Variants in BAZ2B observed in about 807,000 individuals in gnomAD.
The protein encoded by BAZ2B is bromodomain adjacent to zinc finger domain protein 2B.
A neutral mutation model predicts 246.0 loss-of-function variants in BAZ2B; 91 were observed. The ratio of observed to expected loss-of-function variants is 0.37; its 90% confidence interval spans 0.31 to 0.44. The LOEUF (loss-of-function observed/expected upper bound fraction) is 0.44. BAZ2B is among the 20% of genes least tolerant of loss of function. The pLI, the probability that BAZ2B is intolerant of heterozygous loss-of-function variation, is 1.00. For missense variants in BAZ2B, 2,332 were observed against 2,533.7 expected (o/e 0.92, Z 1.71); for synonymous variants, 855 against 860.0 (o/e 0.99, Z 0.10).
chr2:159,406,394 A>G (rs2065939425), intron 14 of BAZ2B, among the ~76,000 whole-genome samples: 1 of 152,204 alleles, frequency 6.6e-6, no homozygotes. Flanking sequence ...AGCTGATTCC[A>G]TGTGCACAAG....
Position 159,537,001 on chromosome 2 carries a change from C to T in BAZ2B, c.-3+18822G>A, listed in dbSNP as rs183705987. Among the ~76,000 whole-genome samples the T allele has an allele frequency of 2.6e-5, 4 of 152,134 alleles. No individual in the cohort carries two copies. The East Asian group carries it at 7.7e-4, about 29-fold the overall frequency. On this transcript the variant is annotated intron_variant, in intron 2 of 36. Transcript: ENST00000392783. Reference sequence around the variant, plus strand: ...ACGATAGTGAAGAGGCAAAAGCAACCCAAGAGTCCATCCACAGATGAATGA... The same window carrying T: ...ACGATAGTGAAGAGGCAAAAGCAACTCAAGAGTCCATCCACAGATGAATGA...
chr2:159,501,122 TAA>T, intron 2 of BAZ2B, among the ~76,000 whole-genome samples: 1 of 47,506 alleles, frequency 2.1e-5, no homozygotes, highest in South Asian at 6.4e-4. Context: ...AATATATATA[TAA>T]TATATATATA....
At chr2:159,558,814 T>G (rs1239429115) in intron 1 of BAZ2B, among the ~76,000 whole-genome samples, 1 of 152,016 alleles carries the variant, frequency 6.6e-6, no homozygotes. Context: ...TGAAGAAAGA[T>G]TTCCAAAGAG....
chr2:159,375,119 G>T (rs1176218203), intron 25 of BAZ2B, among the ~76,000 whole-genome samples: 2 of 152,208 alleles, frequency 1.3e-5, no homozygotes, highest in East Asian at 1.9e-4. Context: ...GACACAGGAG[G>T]ATTGGTTAAG....
intron 2 of BAZ2B, among the ~76,000 whole-genome samples, chr2:159,532,246 AT>A (rs1345654546): frequency 5.9e-5 from 9 of 152,174 alleles, no homozygotes; most frequent in Non-Finnish European, 4.4e-5. Context: ...AAACCAGAGA[AT>A]TTTTCAATTA....
At chr2:159,364,711 T>C (rs1187044464) in intron 27 of BAZ2B, among the ~76,000 whole-genome samples, 1 of 152,184 alleles carries the variant, frequency 6.6e-6, no homozygotes, top group African/African-American at 2.4e-5. Flanking sequence ...GTAGCTTCTA[T>C]AACTGTTGGC....
At chr2:159,658,439 T>C in the BAZ2B span, among the ~76,000 whole-genome samples, 6 of 152,170 alleles carry the variant, frequency 3.9e-5, no homozygotes, top group African/African-American at 1.4e-4. Flanking sequence ...GTTCAAGAGA[T>C]CCTCTCACCT....
At chr2:159,528,780 T>C (rs1030556464) in intron 2 of BAZ2B, among the ~76,000 whole-genome samples, 1 of 151,912 alleles carries the variant, frequency 6.6e-6, no homozygotes, top group African/African-American at 2.4e-5. Flanking sequence ...GATTGTCTAA[T>C]ACAGCACTTA....
At chr2:159,369,698 C>T (rs929594190) in intron 27 of BAZ2B, among the ~76,000 whole-genome samples, 2 of 152,066 alleles carry the variant, frequency 1.3e-5, no homozygotes, top group Admixed American at 1.3e-4. Flanking sequence ...TCAGATTGAT[C>T]ATTTTCTTAA....
At chr2:159,579,617 CA>C (rs1302368595) in intron 1 of BAZ2B, among the ~76,000 whole-genome samples, 2 of 151,692 alleles carry the variant, frequency 1.3e-5, no homozygotes, top group African/African-American at 4.8e-5. Context: ...AGAGACACAA[CA>C]AAAAAAAGAT....
intron 1 of BAZ2B, among the ~76,000 whole-genome samples, chr2:159,583,243 T>C (rs1043329160): frequency 4.6e-5 from 7 of 151,954 alleles, no homozygotes; most frequent in African/African-American, 7.3e-5. Flanking sequence ...GCCTCCCAAG[T>C]AGCTGGGATT....
At chr2:159,471,060 A>T (rs1257980069) in intron 3 of BAZ2B, among the ~76,000 whole-genome samples, 1 of 152,138 alleles carries the variant, frequency 6.6e-6, no homozygotes, top group Non-Finnish European at 1.5e-5. Context: ...GTATAAAAAA[A>T]TTTAGAGAAA....
At chr2:159,686,589 T>C in the BAZ2B span, among the ~76,000 whole-genome samples, 1 of 149,720 alleles carries the variant, frequency 6.7e-6, no homozygotes, top group Non-Finnish European at 1.5e-5. Context: ...GTAACCTGAA[T>C]TGGATCTTGA....
chr2:159,517,791 G>A (rs2083586077), intron 2 of BAZ2B, among the ~76,000 whole-genome samples: 1 of 152,182 alleles, frequency 6.6e-6, no homozygotes, highest in Non-Finnish European at 1.5e-5. Flanking sequence ...TACGTAATAT[G>A]TCATTTCAAG....
chr2:159,583,046 A>C (rs907828104), intron 1 of BAZ2B, among the ~76,000 whole-genome samples: 1 of 152,170 alleles, frequency 6.6e-6, no homozygotes, highest in Non-Finnish European at 1.5e-5. Context: ...ATAAGTAAAA[A>C]AAATTCCAAT....
intron 8 of BAZ2B, chr2:159,434,772 T>A (rs751427042): frequency 3.3e-5 from 5 of 152,222 alleles, no homozygotes; most frequent in Non-Finnish European, 5.9e-5. Context: ...TTCTGTGGGA[T>A]CTACTTTAGT....
At chr2:159,499,511 T>A (rs1164080058) in intron 2 of BAZ2B, among the ~76,000 whole-genome samples, 1 of 152,224 alleles carries the variant, frequency 6.6e-6, no homozygotes, top group African/African-American at 2.4e-5. Context: ...TATACTAGAA[T>A]GATTTATATT....
intron 2 of BAZ2B, among the ~76,000 whole-genome samples, chr2:159,541,259 CTTATTATTATTA>C (rs56310950): frequency 2.2e-4 from 32 of 148,252 alleles, no homozygotes; most frequent in South Asian, 1.1e-3. Flanking sequence ...AACAAAAGCC[CTTATTATTATTA>C]TTATTATTAT....
At chr2:159,431,840 C>T (rs994270062) in intron 9 of BAZ2B, among the ~76,000 whole-genome samples, 1 of 152,062 alleles carries the variant, frequency 6.6e-6, no homozygotes, top group East Asian at 1.9e-4. Flanking sequence ...AGACTGTTTC[C>T]TCATAGTTCA....
Sources: gnomAD v4.1 joint callset for allele counts (sites outside exome capture counted in the v4.1 genomes callset) on GRCh38, gnomAD v4.1.1 for gene constraint, MANE v1.5 for transcripts, NCBI Gene and HGNC (gene_info 2026-07-23, HGNC 2026-07-21) for gene names.